Variants in MIB1 observed in about 807,000 individuals in gnomAD.
The protein encoded by MIB1 is E3 ubiquitin-protein ligase MIB1.
In MIB1, 278 loss-of-function variants were observed where a neutral mutation model predicts 124.5. That is an observed-to-expected ratio of 2.23 (90% CI 2.02 to 2.47). The LOEUF (loss-of-function observed/expected upper bound fraction) is 2.47, where lower values mean the gene tolerates loss of function less well. Among genes scored for constraint, MIB1 ranks in the 30% most tolerant of loss-of-function variants. The pLI is 0.00. For synonymous variants in MIB1, 446 were observed against 429.4 expected (o/e 1.04, Z -0.48); for missense variants, 957 against 1,254.4 (o/e 0.76, Z 3.58).
chr18:21,830,218 T>C (rs1045407862), intron 12 of MIB1, among the ~76,000 whole-genome samples: 3 of 152,164 alleles, frequency 2.0e-5, no homozygotes, highest in African/African-American at 7.2e-5. Flanking sequence ...GGCCAATTAT[T>C]AGTAAGCATT....
chr18:21,710,147 ATC>A (rs1264319651), intron 1 of MIB1, among the ~76,000 whole-genome samples: 1 of 150,752 alleles, frequency 6.6e-6, no homozygotes, highest in East Asian at 1.9e-4. Flanking sequence ...TTGAGATGGA[ATC>A]TCTCTCTGTC....
intron 10 of MIB1, among the ~76,000 whole-genome samples, chr18:21,806,301 A>G (rs961015843): frequency 1.3e-5 from 2 of 151,808 alleles, no homozygotes; most frequent in African/African-American, 4.8e-5. Context: ...CCCAGGCTCA[A>G]ACAATTCTCC....
chr18:21,760,802 T>A (rs1270236887), intron 1 of MIB1, among the ~76,000 whole-genome samples: 2 of 152,250 alleles, frequency 1.3e-5, no homozygotes, highest in African/African-American at 2.4e-5. Context: ...TTTCCCTACG[T>A]CTTTCATCAA....
In MIB1 at chr18:21,741,852, G is replaced by C; in HGVS notation, c.229+40G>C. 1 of 1,508,012 alleles carries C rather than the reference G, an allele frequency of 6.6e-7. No individual in the cohort carries two copies. Among genetic ancestry groups the C allele is most frequent in the Non-Finnish European group, 8.9e-7 (1 of 1,121,292 alleles). 93.4% of individuals were successfully genotyped at this position (1,508,012 alleles called of 1,614,324 possible). On this transcript the variant is annotated intron_variant, in intron 1 of 20. Coordinates refer to ENST00000261537, the MANE Select transcript of MIB1 (RefSeq NM_020774.4). The surrounding 1 kb of genome is among the most constrained non-coding windows in gnomAD (Gnocchi z 5.4). ...CCTGGCCAGGGCTTGCGCGCGCGGG[G>C]GGAAGGGGCGAGCTGCGGTGGGCGT...
chr18:21,857,821 C>T (rs1437728156), intron 19 of MIB1, among the ~76,000 whole-genome samples: 2 of 152,248 alleles, frequency 1.3e-5, no homozygotes, highest in Non-Finnish European at 2.9e-5. Context: ...TGAATGGTTT[C>T]TTTGATTTCT....
chr18:21,852,723 G>A (rs1047402816), intron 17 of MIB1, among the ~76,000 whole-genome samples: 1 of 152,092 alleles, frequency 6.6e-6, no homozygotes, highest in Admixed American at 6.6e-5. Flanking sequence ...TAGCAATTTG[G>A]CTAATCTAGC....
intron 1 of MIB1, among the ~76,000 whole-genome samples, chr18:21,759,104 C>T (rs2041067753): frequency 6.6e-6 from 1 of 151,852 alleles, no homozygotes; most frequent in African/African-American, 2.4e-5. Context: ...CTAAGGTAAC[C>T]AGCTGTCACA....
chr18:21,747,959 C>T (rs1176880455), intron 1 of MIB1, among the ~76,000 whole-genome samples: 1 of 152,202 alleles, frequency 6.6e-6, no homozygotes. Context: ...TCTAGCAGAA[C>T]CATGTCTCTG....
At chr18:21,768,210 C>T (rs906176980) in intron 2 of MIB1, among the ~76,000 whole-genome samples, 7 of 152,124 alleles carry the variant, frequency 4.6e-5, no homozygotes, top group Non-Finnish European at 1.0e-4. Context: ...TACCCAGATA[C>T]CCTGAAATGC....
chr18:21,774,731 A>G (rs767335986), intron 4 of MIB1, among the ~76,000 whole-genome samples: 3 of 151,946 alleles, frequency 2.0e-5, no homozygotes, highest in Non-Finnish European at 2.9e-5. Flanking sequence ...TTAAAAATCA[A>G]CTGTCTATGT....
chr18:21,736,514 G>A (rs750339185), upstream of MIB1, among the ~76,000 whole-genome samples: 5 of 152,164 alleles, frequency 3.3e-5, no homozygotes, highest in Admixed American at 2.6e-4. Flanking sequence ...TGGAGAATGA[G>A]TTTGACGAAT....
intron 12 of MIB1, among the ~76,000 whole-genome samples, chr18:21,836,514 A>G (rs1740967340): frequency 6.6e-6 from 1 of 152,152 alleles, no homozygotes; most frequent in Non-Finnish European, 1.5e-5. Context: ...CCCGACCAAC[A>G]ACTTGGAACT....
At chr18:21,844,532 C>T (rs1434002214) in intron 15 of MIB1, among the ~76,000 whole-genome samples, 1 of 152,056 alleles carries the variant, frequency 6.6e-6, no homozygotes, top group Non-Finnish European at 1.5e-5. Context: ...TGGGTTTAAG[C>T]CATTCTCTTG....
chr18:21,733,701 TTTTTC>T (rs1417749105), intron 1 of MIB1, among the ~76,000 whole-genome samples: 1 of 151,836 alleles, frequency 6.6e-6, no homozygotes, highest in Non-Finnish European at 1.5e-5. Context: ...CGTCCTTTCT[TTTTTC>T]TTTTTTCTTT....
intron 10 of MIB1, among the ~76,000 whole-genome samples, chr18:21,813,690 A>G (rs1412826006): frequency 6.6e-6 from 1 of 152,224 alleles, no homozygotes; most frequent in Non-Finnish European, 1.5e-5. Context: ...ACTGTTTTGA[A>G]TGAACTATTT....
At chr18:21,736,521 G>A (rs185745258), upstream of MIB1, among the ~76,000 whole-genome samples, 23 of 152,250 alleles carry the variant, frequency 1.5e-4, no homozygotes, top group Admixed American at 1.3e-3. Flanking sequence ...TGAGTTTGAC[G>A]AATTGACAGA....
chr18:21,717,775 G>C (rs1210386160), intron 1 of MIB1, among the ~76,000 whole-genome samples: 1 of 152,186 alleles, frequency 6.6e-6, no homozygotes, highest in Non-Finnish European at 1.5e-5. Flanking sequence ...GGTGAACGAA[G>C]AACACTTCTA....
chr18:21,793,122 C>T (rs967934216), intron 7 of MIB1, among the ~76,000 whole-genome samples: 1 of 152,148 alleles, frequency 6.6e-6, no homozygotes, highest in African/African-American at 2.4e-5. Context: ...CAGGAAAGCT[C>T]CAAAACAGCT....
intron 17 of MIB1, among the ~76,000 whole-genome samples, chr18:21,850,086 T>A (rs540804405): frequency 8.5e-5 from 13 of 152,286 alleles, no homozygotes; most frequent in African/African-American, 3.1e-4. Flanking sequence ...ATATCTACTC[T>A]GAACTTTTTC....
Sources: allele counts gnomAD v4.1 joint callset (sites outside exome capture counted in the v4.1 genomes callset), GRCh38; gene constraint gnomAD v4.1.1; non-coding constraint Gnocchi (gnomAD v3.1); transcripts MANE v1.5; gene names NCBI Gene and HGNC (gene_info 2026-07-23, HGNC 2026-07-21).